Variants in ULK4 observed in about 807,000 individuals in gnomAD.
ULK4 encodes the protein unc-51 like kinase 4.
ULK4 carries 133 observed loss-of-function variants against 160.6 expected under a neutral mutation model. The observed-to-expected ratio is 0.83, with a 90% CI of 0.72 to 0.96. The LOEUF (loss-of-function observed/expected upper bound fraction) is 0.96, where lower values mean the gene tolerates loss of function less well. Ranked by LOEUF, ULK4 falls within the 40% of genes least tolerant of loss-of-function variation. The probability of loss-of-function intolerance (pLI) is 0.00; values close to 1 mark genes in which losing one functional copy is unlikely to be tolerated. For synonymous variants in ULK4, 534 were observed against 539.8 expected, an observed-to-expected ratio of 0.99 and a Z score of 0.15; for missense variants, 1,580 against 1,499.5, an observed-to-expected ratio of 1.05 and a Z score of -0.89.
rs186804376 is a variant in ULK4, at chr3:41,484,292, T to G, written c.3227-21039A>C. Among the ~76,000 whole-genome samples the G allele has an allele frequency of 5.3e-5, 8 of 152,178 alleles. No individual in the cohort carries two copies. In the East Asian group the frequency reaches 1.5e-3, roughly 29 times the overall value. On this transcript the variant is annotated intron_variant, in intron 32 of 36. Transcript: ENST00000301831. The stretch of plus-strand genomic sequence containing the variant: ...TAGAGACACCCTATATTTACCATAT[T>G]GTTTTGTGGGAAAAATTTTATAAAT...
intron 29 of ULK4, among the ~76,000 whole-genome samples, chr3:41,679,644 C>T (rs1286164163): frequency 6.6e-6 from 1 of 152,152 alleles, no homozygotes; most frequent in Non-Finnish European, 1.5e-5. Context: ...ATGAGTAACA[C>T]AGGATCACTG....
At chr3:41,708,135 C>T (rs930223994) in intron 25 of ULK4, among the ~76,000 whole-genome samples, 11 of 150,926 alleles carry the variant, frequency 7.3e-5, no homozygotes, top group African/African-American at 2.7e-4. Flanking sequence ...AATATAAGTA[C>T]CATATGATTA....
intron 27 of ULK4, among the ~76,000 whole-genome samples, chr3:41,697,199 T>C (rs1284541941): frequency 6.6e-6 from 1 of 152,148 alleles, no homozygotes; most frequent in Non-Finnish European, 1.5e-5. Flanking sequence ...TCAGTTAACT[T>C]TAAATATATA....
chr3:41,656,460 A>G (rs2034939638), intron 30 of ULK4, among the ~76,000 whole-genome samples: 1 of 152,216 alleles, frequency 6.6e-6, no homozygotes, highest in Non-Finnish European at 1.5e-5. Flanking sequence ...ACATTGTTTA[A>G]TAAAAGTCTA....
intron 20 of ULK4, among the ~76,000 whole-genome samples, chr3:41,794,689 C>CAAA (rs2040253035): frequency 4.0e-5 from 2 of 50,100 alleles, no homozygotes; most frequent in African/African-American, 1.8e-4. Context: ...AAAAAAAACA[C>CAAA]AGAAAAAAAA....
intron 22 of ULK4, among the ~76,000 whole-genome samples, chr3:41,724,414 A>T (rs2037575269): frequency 6.6e-6 from 1 of 152,140 alleles, no homozygotes. Context: ...TTATACTCCA[A>T]CAGGTAGATA....
rs532437185 is a variant in ULK4, at chr3:41,451,998, C to G, written c.3492+3499G>C. 9.9e-5 allele frequency among the ~76,000 whole-genome samples: 15 copies of G among 152,182 alleles called. No homozygotes were observed. In the Middle Eastern group the frequency reaches 0.01, roughly 104 times the overall value. ...TATTTAAATGCAAAATCCTCAAATA[C>G]CAACAAAAACTACCATTTCACATTT... On this transcript the variant is annotated intron_variant, in intron 34 of 36. Transcript: ENST00000301831.
At chr3:41,901,644 TA>T (rs1423438560) in intron 12 of ULK4, among the ~76,000 whole-genome samples, 3 of 151,656 alleles carry the variant, frequency 2.0e-5, no homozygotes, top group Non-Finnish European at 2.9e-5. Context: ...CATGCACTGC[TA>T]ATTTCTGCAT....
Position 41,938,214 on chromosome 3 carries a change from C to G in ULK4, c.139-17G>C, listed in dbSNP as rs1699841422. ...GAGACGGACCTATAAAAACACAGAG[C>G]AATCACTCTAAAAAGAAATTCCTAA... On this transcript the variant is annotated splice_polypyrimidine_tract_variant and intron_variant, in intron 2 of 36. Coordinates refer to ENST00000301831, the MANE Select transcript of ULK4 (RefSeq NM_017886.4). 1 of 1,593,912 alleles carries G rather than the reference C, an allele frequency of 6.3e-7. No individual in the cohort carries two copies. Among genetic ancestry groups the G allele is most frequent in the African/African-American group, 1.3e-5 (1 of 74,126 alleles).
intron 12 of ULK4, among the ~76,000 whole-genome samples, chr3:41,906,996 AAAAG>A (rs1323788635): frequency 6.6e-6 from 1 of 152,222 alleles, no homozygotes; most frequent in Non-Finnish European, 1.5e-5. Context: ...TCTCCAAAAA[AAAAG>A]AAAGAAAACA....
intron 17 of ULK4, among the ~76,000 whole-genome samples, chr3:41,861,104 C>T (rs184838306): frequency 2.2e-3 from 323 of 148,788 alleles, no homozygotes; most frequent in Middle Eastern, 7.3e-3. Context: ...ATTGCACTGA[C>T]CATCTTGAAA....
At chr3:41,816,647 T>G (rs2125626385) in intron 19 of ULK4, among the ~76,000 whole-genome samples, 1 of 152,224 alleles carries the variant, frequency 6.6e-6, no homozygotes. Flanking sequence ...AAACTCTGTC[T>G]CTACAAATAC....
At chr3:41,435,991 A>G (rs1467958534) in intron 34 of ULK4, among the ~76,000 whole-genome samples, 2 of 151,932 alleles carry the variant, frequency 1.3e-5, no homozygotes, top group Non-Finnish European at 2.9e-5. Context: ...TAAAGCATAC[A>G]GACAGTCCCC....
At chr3:41,289,808 TATGTATGTATG>T (rs2079524508) in intron 35 of ULK4, among the ~76,000 whole-genome samples, 1 of 244 alleles carries the variant, frequency 4.1e-3, no homozygotes, top group African/African-American at 9.3e-3. Context: ...TAGGTCAACT[TATGTATGTATG>T]TATGTATGTA....
chr3:41,919,074 G>A (rs1316776734), intron 6 of ULK4, among the ~76,000 whole-genome samples: 1 of 152,002 alleles, frequency 6.6e-6, no homozygotes, highest in African/African-American at 2.4e-5. Flanking sequence ...CACACATATG[G>A]ACCACTACTA....
chr3:41,305,232 C>T (rs547154526), intron 35 of ULK4, among the ~76,000 whole-genome samples: 3 of 152,058 alleles, frequency 2.0e-5, no homozygotes, highest in South Asian at 2.1e-4. Flanking sequence ...TCTCCCTCTC[C>T]CCACGGTCTC....
chr3:41,872,647 C>CATTATT (rs150798726), intron 17 of ULK4, among the ~76,000 whole-genome samples: 46,806 of 151,306 alleles, frequency 0.31, 10,569 homozygotes, highest in African/African-American at 0.64. Context: ...CATCCAGATG[C>CATTATT]ATTATTATTA....
Position 41,412,901 on chromosome 3 carries a change from C to T in ULK4, c.3493-14637G>A, listed in dbSNP as rs2082437618. Among the ~76,000 whole-genome samples, 3 of 152,126 alleles carry T rather than the reference C, an allele frequency of 2.0e-5. No homozygotes were observed. In the South Asian group the frequency reaches 6.2e-4, roughly 32 times the overall value. ...CAAAAAATGCTTAAATATGCAAAGC[C>T]ATACACTTTTACCTTGCCCTTGCAT... On this transcript the variant is annotated intron_variant, in intron 34 of 36. Coordinates refer to ENST00000301831, the MANE Select transcript of ULK4 (RefSeq NM_017886.4).
intron 17 of ULK4, among the ~76,000 whole-genome samples, chr3:41,865,508 C>G (rs1350873028): frequency 1.3e-5 from 2 of 152,116 alleles, no homozygotes; most frequent in African/African-American, 4.8e-5. Context: ...ACACACCTCT[C>G]TTTCCCTCCA....
Sources: gnomAD v4.1 joint callset for allele counts (sites outside exome capture counted in the v4.1 genomes callset) on GRCh38, gnomAD v4.1.1 for gene constraint, MANE v1.5 for transcripts, NCBI Gene and HGNC (gene_info 2026-07-23, HGNC 2026-07-21) for gene names.